The following TRMT11 variants were observed in gnomAD, a reference collection of about 807,000 sequenced individuals.
TRMT11 encodes tRNA methyltransferase 11, also known as tRNA (guanine(10)-N(2))-methyltransferase TRMT11.
TRMT11 carries 53 observed loss-of-function variants against 62.8 expected under a neutral mutation model. That is an observed-to-expected ratio of 0.84 (90% CI 0.68 to 1.06). The LOEUF (loss-of-function observed/expected upper bound fraction) is 1.06, where lower values mean the gene tolerates loss of function less well. Ranked by LOEUF, TRMT11 falls within the 50% of genes least tolerant of loss-of-function variation. The pLI is 0.00. For synonymous variants in TRMT11, 188 were observed against 190.3 expected (o/e 0.99, Z 0.10); for missense variants, 556 against 553.4 (o/e 1.00, Z -0.05).
chr6:126,241,822 A>C, the TRMT11 span, among the ~76,000 whole-genome samples: 1 of 152,210 alleles, frequency 6.6e-6, no homozygotes, highest in African/African-American at 2.4e-5. Flanking sequence ...TTCATGGACA[A>C]TATCATACTG....
At position 125,993,815 on chromosome 6, in the gene TRMT11, A is replaced by C; in HGVS notation, c.131A>C (p.Tyr44Ser). The C allele has an allele frequency of 3.7e-6, 6 of 1,606,950 alleles. 1 individual carries two copies. The highest frequency in any genetic ancestry group is 4.3e-6 in the Non-Finnish European group (5 of 1,173,946). Residue 44 changes from tyrosine to serine, a missense_variant, in exon 2 of 13, where the codon TAT becomes TCT. Physicochemically the swap from Tyr to Ser is moderately radical, Grantham distance 144. Transcript: ENST00000334379. ...CAGTTTGCCAGCAGTCAAGAAACTT[A>C]TGGAAAGGTAAGTTAAATTTTCATT... is the stretch of plus-strand genomic sequence containing the variant. ...GGQFASSQET[Y>S]GKSPFWILSI...
In TRMT11 at chr6:126,045,722, G is replaced by A. The variant is rs115110855; in HGVS notation, c.*1369+4877G>A. ...AGATATATCCTGAGTGGGCTGAAGG[G>A]TGTACCTTCTTAGACAATAGGTGAA... On this transcript the variant is annotated intron_variant and NMD_transcript_variant, in intron 16 of 22. Coordinates refer to the TRMT11 transcript ENST00000648977. 1.8e-3 allele frequency among the ~76,000 whole-genome samples: 269 copies of A among 152,220 alleles called. 1 individual carries two copies. Among genetic ancestry groups the A allele is most frequent in the African/African-American group, 6.3e-3 (260 of 41,534 alleles).
chr6:126,258,555 T>C, the TRMT11 span, among the ~76,000 whole-genome samples: 6 of 152,362 alleles, frequency 3.9e-5, no homozygotes, highest in African/African-American at 1.4e-4. Context: ...GAATCAATTT[T>C]CTCACTCTTT....
rs2128101871 is a variant in TRMT11 at position 126,047,141 on chromosome 6, C to T, written c.*1370-5982C>T. Among the ~76,000 whole-genome samples, 2 of 152,012 alleles carry T rather than the reference C, an allele frequency of 1.3e-5. 1 individual carries two copies. The highest frequency in any genetic ancestry group is 6.8e-3 in the Middle Eastern group (2 of 294). On this transcript the variant is annotated intron_variant and NMD_transcript_variant, in intron 16 of 22. Coordinates refer to the TRMT11 transcript ENST00000648977. ...AGCTACTACTGATATGGACAGGAGG[C>T]AGGGAAATACTGGGTAGAAGAGGGC... is the stretch of plus-strand genomic sequence containing the variant.
the TRMT11 span, among the ~76,000 whole-genome samples, chr6:126,220,804 G>T: frequency 1.3e-5 from 2 of 151,638 alleles, no homozygotes; most frequent in Admixed American, 6.6e-5. Flanking sequence ...GTGCAGGTTT[G>T]TTATATGGGT....
rs114607998 is a variant in TRMT11, at chr6:125,987,768, G to C, written c.72+1146G>C. On this transcript the variant is annotated intron_variant, in intron 1 of 12. Transcript: ENST00000334379. The stretch of plus-strand genomic sequence containing the variant: ...AGGTATGACTCCTGGGGTGTATATA[G>C]GTAGGAGTGTCTCCATTTAAAATAG... Among the ~76,000 whole-genome samples the C allele has an allele frequency of 7.4e-3, 1,125 of 152,282 alleles. 11 individuals are homozygous for C. Among genetic ancestry groups the C allele is most frequent in the African/African-American group, 0.026 (1,078 of 41,526 alleles).
the TRMT11 span, among the ~76,000 whole-genome samples, chr6:126,243,601 G>A: frequency 6.6e-6 from 1 of 152,162 alleles, no homozygotes; most frequent in African/African-American, 2.4e-5. Flanking sequence ...ATACTATGCA[G>A]CCATAAAAAA....
Position 125,998,136 on chromosome 6 carries a change from T to A in TRMT11, c.294+2T>A. 1 of 1,612,866 alleles carries A rather than the reference T, an allele frequency of 6.2e-7. No individual in the cohort carries two copies. Among genetic ancestry groups the A allele is most frequent in the Non-Finnish European group, 8.5e-7 (1 of 1,178,900 alleles). On this transcript the variant is annotated splice_donor_variant, in intron 4 of 12. Transcript: ENST00000334379. LOFTEE classifies it high-confidence loss of function. Reference sequence around the variant, plus strand: ...AAAAACTACCCTGTGGAGAAGATGGTGCGTAGTAAAATGTGGTTTTATATA... The same window carrying A: ...AAAAACTACCCTGTGGAGAAGATGGAGCGTAGTAAAATGTGGTTTTATATA...
chr6:126,086,375 C>G (rs1364212103), intron 17 of TRMT11, among the ~76,000 whole-genome samples: 2 of 152,118 alleles, frequency 1.3e-5, no homozygotes, highest in South Asian at 2.1e-4. Flanking sequence ...AGCTAGAAAC[C>G]GAGATAACAT....
intron 7 of TRMT11, 71 bp downstream of exon 7, chr6:125,999,684 T>G: frequency 7.2e-7 from 1 of 1,392,884 alleles, no homozygotes; most frequent in Non-Finnish European, 9.8e-7. Flanking sequence ...CATGGTAATA[T>G]TTTTGCTAAA....
At chr6:125,999,011 G>T (rs1792059115) in intron 6 of TRMT11, among the ~76,000 whole-genome samples, 1 of 151,550 alleles carries the variant, frequency 6.6e-6, no homozygotes, top group Non-Finnish European at 1.5e-5. Context: ...GAGTGCTGTG[G>T]TAGTTGAGGA....
the TRMT11 span, among the ~76,000 whole-genome samples, chr6:126,256,890 G>A: frequency 6.6e-6 from 1 of 151,706 alleles, no homozygotes; most frequent in East Asian, 1.9e-4. Flanking sequence ...GTTTGTTGTT[G>A]TTGTTTGTTT....
At chr6:126,066,994 C>A (rs1025119671) in intron 17 of TRMT11, among the ~76,000 whole-genome samples, 7 of 151,744 alleles carry the variant, frequency 4.6e-5, no homozygotes, top group Non-Finnish European at 7.4e-5. Flanking sequence ...GTAGGCCAAG[C>A]CGAGGCAGGC....
chr6:126,065,006 G>A (rs1172249429), intron 17 of TRMT11, among the ~76,000 whole-genome samples: 1 of 152,148 alleles, frequency 6.6e-6, no homozygotes, highest in Non-Finnish European at 1.5e-5. Context: ...CCCAGGCAGC[G>A]TTGGTGATCC....
chr6:126,249,050 C>G, the TRMT11 span, among the ~76,000 whole-genome samples: 1 of 152,050 alleles, frequency 6.6e-6, no homozygotes, highest in Non-Finnish European at 1.5e-5. Flanking sequence ...TGATCTGACA[C>G]ATCATTCTTT....
intron 21 of TRMT11, among the ~76,000 whole-genome samples, chr6:126,117,168 C>T (rs562988606): frequency 3.3e-5 from 5 of 152,028 alleles, no homozygotes; most frequent in Non-Finnish European, 7.4e-5. Context: ...AACTAGTAGC[C>T]AGTGTGTTGA....
Position 126,038,722 on chromosome 6 carries a change from A to G in TRMT11, c.1278A>G (p.Ser426=). ...VKKFENRDQY[S]HLLSDHFLPY... ...CCAAACAGAATCGGGACCAGTATTC[A>G]CATCTGCTAAGTGATCATTTTCTGC... Residue 426 remains serine, a synonymous_variant, in exon 13 of 13, where the codon TCA becomes TCG. Coordinates refer to ENST00000334379, the MANE Select transcript of TRMT11 (RefSeq NM_001031712.3). 1 of 1,583,654 alleles carries G rather than the reference A, an allele frequency of 6.3e-7. No homozygotes were observed. Among genetic ancestry groups the G allele is most frequent in the Non-Finnish European group, 8.6e-7 (1 of 1,169,372 alleles).
At chr6:126,020,295 C>T (rs910502687) in intron 11 of TRMT11, among the ~76,000 whole-genome samples, 1 of 152,216 alleles carries the variant, frequency 6.6e-6, no homozygotes. Flanking sequence ...TACTGGCCAA[C>T]ACAGTGTTCT....
chr6:126,132,137 C>T (rs1777792640), intron 21 of TRMT11, among the ~76,000 whole-genome samples: 1 of 151,962 alleles, frequency 6.6e-6, no homozygotes, highest in Non-Finnish European at 1.5e-5. Context: ...TATTTGATAC[C>T]CACAGTTTTT....
Sources: gnomAD v4.1 joint callset for allele counts (sites outside exome capture counted in the v4.1 genomes callset) on GRCh38, gnomAD v4.1.1 for gene constraint, MANE v1.5 for transcripts, NCBI Gene and HGNC (gene_info 2026-07-23, HGNC 2026-07-21) for gene names.